RPTOR: variants seen among roughly 807,000 people sequenced by gnomAD.
RPTOR encodes the protein regulatory associated protein of MTOR complex 1.
Under a neutral mutation model 169.9 loss-of-function variants are expected in RPTOR, and 21 were observed. That is an observed-to-expected ratio of 0.12 (90% confidence interval 0.09 to 0.18). The LOEUF (loss-of-function observed/expected upper bound fraction) is 0.18, where lower values mean the gene tolerates loss of function less well. RPTOR is among the 10% of genes least tolerant of loss of function. The pLI is 1.00. For missense variants in RPTOR, 1,133 were observed against 1,855.9 expected, an observed-to-expected ratio of 0.61 and a Z score of 7.16; for synonymous variants, 732 against 753.2, an observed-to-expected ratio of 0.97 and a Z score of 0.46.
chr17:80,609,662 T>C lies in RPTOR; in HGVS notation c.163-16029T>C, dbSNP rs1315298552. Among the ~76,000 whole-genome samples, 1 of 152,120 alleles carries C rather than the reference T, an allele frequency of 6.6e-6. No homozygotes were observed. The highest frequency in any genetic ancestry group is 1.5e-5 in the Non-Finnish European group (1 of 68,024). On this transcript the variant is annotated intron_variant, in intron 1 of 33. Coordinates refer to ENST00000306801, the MANE Select transcript of RPTOR (RefSeq NM_020761.3). The surrounding 1 kb of genome is among the most constrained non-coding windows in gnomAD (Gnocchi z 4.8). ...CAGGAGGCTGAGGCATGAGAATCGC[T>C]TGAACCCAGGAGGTGGAGGTTGCAG... is the stretch of plus-strand genomic sequence containing the variant.
At chr17:80,691,999 C>G (rs914059712) in intron 3 of RPTOR, among the ~76,000 whole-genome samples, 3 of 152,234 alleles carry the variant, frequency 2.0e-5, no homozygotes, top group Non-Finnish European at 4.4e-5. Context: ...GAAAGCAACA[C>G]CAGCACTGCC....
chr17:80,751,158 G>A (rs2066626435), intron 5 of RPTOR, among the ~76,000 whole-genome samples: 1 of 152,188 alleles, frequency 6.6e-6, no homozygotes, highest in Admixed American at 6.5e-5. Context: ...GGTGCGAGGT[G>A]GCTGTGAGTG....
chr17:80,776,516 G>C (rs2066893670), intron 6 of RPTOR, among the ~76,000 whole-genome samples: 1 of 151,826 alleles, frequency 6.6e-6, no homozygotes, highest in Non-Finnish European at 1.5e-5. Flanking sequence ...AGTAGAGATG[G>C]GGTTTCACCA....
intron 1 of RPTOR, among the ~76,000 whole-genome samples, chr17:80,582,189 G>A (rs1410838553): frequency 2.0e-5 from 3 of 152,194 alleles, no homozygotes; most frequent in Non-Finnish European, 4.4e-5. Context: ...AGATGCTTGT[G>A]GTGGAAGCGT....
chr17:80,737,762 A>G (rs1199550280), intron 5 of RPTOR, among the ~76,000 whole-genome samples: 2 of 152,046 alleles, frequency 1.3e-5, no homozygotes, highest in Non-Finnish European at 1.5e-5. Flanking sequence ...AATGTGTAAT[A>G]TAGTTGAAGC....
rs568646012 is a variant in RPTOR, at chr17:80,965,470, G to T, written c.*1140G>T. On this transcript the variant is annotated 3_prime_UTR_variant, in exon 34 of 34. Transcript: ENST00000306801. Reference sequence around the variant, plus strand: ...TGGACAGTCCCGCCCAGGAGGGGCCGCAGGGCGTGTATGAGCAGTTTTGCA... The same window carrying T: ...TGGACAGTCCCGCCCAGGAGGGGCCTCAGGGCGTGTATGAGCAGTTTTGCA... 2 of 233,268 alleles carry T rather than the reference G, an allele frequency of 8.6e-6. No homozygotes were observed. The highest frequency in any genetic ancestry group is 2.2e-5 in the African/African-American group (1 of 45,368). 14.4% of individuals were successfully genotyped at this position (233,268 alleles called of 1,614,324 possible). A position where few individuals can be genotyped will look rare whatever the true frequency, so the allele number is the denominator to read the frequency against.
At position 80,883,425 on chromosome 17, in the gene RPTOR, C is replaced by A. The variant is rs1354465589; in HGVS notation, c.1591C>A (p.His531Asn). The change falls in exon 15 of 34, where the codon CAC (histidine) becomes AAC (asparagine). Residue 531 changes from histidine to asparagine, a missense_variant. Physicochemically the swap from His to Asn is moderately conservative, Grantham distance 68. This residue lies in a region of RPTOR where 289 missense variants were observed against 585.8 expected (regional missense o/e 0.49). Transcript: ENST00000306801. ...ACTGGTTTTTGTTTTCCAGGCTGAA[C>A]ACCGGACCATGACGGCTTTCATTCT... Reference protein sequence around the residue: ...VLADPYMPAEHRTMTAFILAV... With the variant: ...VLADPYMPAENRTMTAFILAV... The A allele has an allele frequency of 5.0e-6, 8 of 1,614,010 alleles. No homozygotes were observed. Among genetic ancestry groups the A allele is most frequent in the Non-Finnish European group, 6.8e-6 (8 of 1,180,012 alleles).
intron 7 of RPTOR, among the ~76,000 whole-genome samples, chr17:80,795,715 A>T (rs2063298539): frequency 6.6e-6 from 1 of 151,594 alleles, no homozygotes. Context: ...GGCCCTCCTG[A>T]CCCCTTCTGA....
At chr17:80,702,648 T>C (rs1041081907) in intron 3 of RPTOR, among the ~76,000 whole-genome samples, 2 of 152,364 alleles carry the variant, frequency 1.3e-5, no homozygotes, top group African/African-American at 4.8e-5. Flanking sequence ...GCTAGTCCAT[T>C]AATGTGCCTT....
At chr17:80,940,677 C>G (rs566204968) in intron 25 of RPTOR, 76 bp downstream of exon 25, 2 of 1,192,500 alleles carry the variant, frequency 1.7e-6, no homozygotes, top group African/African-American at 1.5e-5. Flanking sequence ...TGTGAGCAGG[C>G]CCCCCGCGGC....
At chr17:80,939,296 T>G (rs1440735568) in intron 24 of RPTOR, among the ~76,000 whole-genome samples, 1 of 152,202 alleles carries the variant, frequency 6.6e-6, no homozygotes, top group Non-Finnish European at 1.5e-5. Flanking sequence ...TTGCCAAGTG[T>G]GGACCTCTCC....
At chr17:80,815,316 G>A (rs1048105040) in intron 7 of RPTOR, among the ~76,000 whole-genome samples, 3 of 152,336 alleles carry the variant, frequency 2.0e-5, no homozygotes, top group Non-Finnish European at 4.4e-5. Flanking sequence ...TGCAGGCCCC[G>A]TGGAGAGAGA....
intron 2 of RPTOR, among the ~76,000 whole-genome samples, chr17:80,634,143 G>C (rs1043322695): frequency 6.7e-6 from 1 of 149,846 alleles, no homozygotes; most frequent in Non-Finnish European, 1.5e-5. Flanking sequence ...CATACTGTGT[G>C]CGTGTGCGTA....
chr17:80,854,888 A>G (rs773664014), intron 11 of RPTOR, among the ~76,000 whole-genome samples: 1 of 152,236 alleles, frequency 6.6e-6, no homozygotes, highest in Non-Finnish European at 1.5e-5. Flanking sequence ...GCAAGACCCT[A>G]TCTCAAAAAT....
intron 3 of RPTOR, among the ~76,000 whole-genome samples, chr17:80,696,458 GC>G (rs1194793850): frequency 3.9e-5 from 6 of 152,288 alleles, no homozygotes; most frequent in Admixed American, 2.6e-4. Flanking sequence ...TTAGTTCAAA[GC>G]GAGCAGCATA....
chr17:80,839,376 A>T (rs2067601788), intron 10 of RPTOR, among the ~76,000 whole-genome samples: 1 of 152,190 alleles, frequency 6.6e-6, no homozygotes, highest in African/African-American at 2.4e-5. Context: ...GTTGGAAGAA[A>T]TTTACAGTGA....
At chr17:80,777,707 G>A (rs79209654) in intron 6 of RPTOR, among the ~76,000 whole-genome samples, 66 of 152,314 alleles carry the variant, frequency 4.3e-4, no homozygotes, top group African/African-American at 1.5e-3. Flanking sequence ...CGCCTGCGCC[G>A]ACTCCAGCAC....
intron 3 of RPTOR, among the ~76,000 whole-genome samples, chr17:80,655,699 G>A (rs1359425751): frequency 6.6e-6 from 1 of 151,902 alleles, no homozygotes; most frequent in Non-Finnish European, 1.5e-5. Flanking sequence ...CTCAGCCTCA[G>A]GAGTATGTAG....
intron 11 of RPTOR, among the ~76,000 whole-genome samples, chr17:80,853,112 C>A (rs1460779266): frequency 2.6e-5 from 4 of 152,136 alleles, no homozygotes; most frequent in Non-Finnish European, 5.9e-5. Flanking sequence ...GGCCTGTCCC[C>A]AAAGCGAGCA....
Sources: gnomAD v4.1 joint callset for allele counts (sites outside exome capture counted in the v4.1 genomes callset) on GRCh38, gnomAD v4.1.1 for gene constraint, gnomAD v4.1.1 regional missense constraint, Gnocchi (gnomAD v3.1) non-coding constraint, MANE v1.5 for transcripts, NCBI Gene and HGNC (gene_info 2026-07-23, HGNC 2026-07-21) for gene names.